Variants in THADA observed in about 807,000 individuals in gnomAD.
THADA encodes the protein tRNA (32-2'-O)-methyltransferase regulator THADA.
THADA carries 213 observed loss-of-function variants against 219.8 expected under a neutral mutation model. The observed-to-expected ratio is 0.97, with a 90% CI of 0.87 to 1.09. THADA has a LOEUF of 1.09. THADA is among the 50% of genes least tolerant of loss of function. THADA has a pLI of 0.00. For synonymous variants in THADA, 1,018 were observed against 828.9 expected, an observed-to-expected ratio of 1.23 and a Z score of -3.92; for missense variants, 2,956 against 2,311.3, an observed-to-expected ratio of 1.28 and a Z score of -5.72.
intron 22 of THADA, among the ~76,000 whole-genome samples, chr2:43,515,253 TA>T (rs1691464023): frequency 4.0e-5 from 1 of 24,792 alleles, no homozygotes; most frequent in Non-Finnish European, 7.3e-5. Context: ...ATATATTATA[TA>T]TAATATATAA....
rs59602652 is a variant in THADA at position 43,566,876 on chromosome 2, T to C, written c.2188-55A>G. On this transcript the variant is annotated intron_variant, in intron 14 of 37. Transcript: ENST00000405975. ...TATAATTACGTCACAATAGGTTATATTCAGAGTATTAAACACCCTTTAAGA... is the reference window on the plus strand; with the variant it reads ...TATAATTACGTCACAATAGGTTATACTCAGAGTATTAAACACCCTTTAAGA... The C allele has an allele frequency of 3.4e-3, 4,332 of 1,290,774 alleles. 77 individuals carry two copies. In the African/African-American group the frequency reaches 0.047, roughly 14 times the overall value. The allele number at this position is 1,290,774 out of a possible 1,614,324, so 80.0% of individuals were successfully genotyped here. A position where few individuals can be genotyped will look rare whatever the true frequency, so the allele number is the denominator to read the frequency against.
intron 35 of THADA, 39 bp downstream of exon 35, chr2:43,286,869 T>G (rs756334610): frequency 2.5e-6 from 4 of 1,583,468 alleles, no homozygotes; most frequent in Admixed American, 1.7e-5. Context: ...ATATTTTAAG[T>G]GAGTTTGGTA....
At chr2:43,467,855 C>T (rs1684443566) in intron 26 of THADA, among the ~76,000 whole-genome samples, 1 of 152,186 alleles carries the variant, frequency 6.6e-6, no homozygotes, top group East Asian at 1.9e-4. Flanking sequence ...ATAATATAGC[C>T]AGTGCTCTCA....
At position 43,286,916 on chromosome 2, in the gene THADA, G is replaced by C; in HGVS notation, c.5156C>G (p.Pro1719Arg). The C allele has an allele frequency of 1.2e-6, 2 of 1,612,122 alleles. No homozygotes were observed. Among genetic ancestry groups the C allele is most frequent in the East Asian group, 4.5e-5 (2 of 44,816 alleles). The change falls in exon 35 of 38, where the codon CCT becomes CGT. Residue 1719 changes from proline (P) to arginine (R), a missense_variant. Physicochemically the swap from Pro to Arg is moderately radical, Grantham distance 103. Coordinates refer to ENST00000405975, the MANE Select transcript of THADA (RefSeq NM_022065.5). ...CGTCTCGGCGCACTTACCAAGAATA[G>C]GATGGGGGTTGGTGAGGAAAAGTGG... ...TTPLFLTNPHPILELQDTLAL... is the reference protein window; with the variant it reads ...TTPLFLTNPHRILELQDTLAL...
chr2:43,467,176 C>T (rs1004702310), intron 26 of THADA, among the ~76,000 whole-genome samples: 7 of 82,756 alleles, frequency 8.5e-5, no homozygotes, highest in Admixed American at 1.6e-4. Context: ...AGCGAGACTC[C>T]GTCTCAAAAA....
chr2:43,453,456 A>G (rs1200116064), intron 26 of THADA, among the ~76,000 whole-genome samples: 4 of 152,172 alleles, frequency 2.6e-5, no homozygotes, highest in Non-Finnish European at 5.9e-5. Flanking sequence ...TTTTTTTGAG[A>G]GCTAGAAAAC....
At chr2:43,389,110 CAGA>C (rs1256357796) in intron 29 of THADA, among the ~76,000 whole-genome samples, 17 of 152,226 alleles carry the variant, frequency 1.1e-4, no homozygotes, top group Admixed American at 1.0e-3. Context: ...TTCCCATTTA[CAGA>C]AGAAGTGGAG....
Position 43,358,996 on chromosome 2 carries a change from G to A in THADA, c.4228-14759C>T, listed in dbSNP as rs565781907. The stretch of plus-strand genomic sequence containing the variant: ...TAAGCCCCTAGGAATGGAGATTTGG[G>A]TGGTTGCCCTTCCCCCTCCATCTAG... On this transcript the variant is annotated intron_variant, in intron 29 of 37. Coordinates refer to ENST00000405975, the MANE Select transcript of THADA (RefSeq NM_022065.5). Among the ~76,000 whole-genome samples the A allele has an allele frequency of 1.2e-4, 18 of 152,260 alleles. No individual in the cohort carries two copies. The South Asian group carries it at 3.7e-3, about 32-fold the overall frequency.
intron 30 of THADA, among the ~76,000 whole-genome samples, chr2:43,330,546 C>A (rs1326255491): frequency 1.3e-5 from 2 of 152,206 alleles, no homozygotes; most frequent in African/African-American, 4.8e-5. Context: ...GGCCAGCGCA[C>A]TGCCGTAAAG....
intron 21 of THADA, among the ~76,000 whole-genome samples, chr2:43,538,942 T>C (rs1218544391): frequency 1.3e-5 from 2 of 152,324 alleles, no homozygotes; most frequent in East Asian, 1.9e-4. Flanking sequence ...GCCACCGGTT[T>C]AAACAAGGAG....
At chr2:43,559,013 G>A (rs904920407) in intron 16 of THADA, among the ~76,000 whole-genome samples, 1 of 152,094 alleles carries the variant, frequency 6.6e-6, no homozygotes, top group Admixed American at 6.5e-5. Flanking sequence ...GTAAGGGCCA[G>A]GTCTTTCACA....
intron 29 of THADA, among the ~76,000 whole-genome samples, chr2:43,392,331 T>A (rs894083399): frequency 6.6e-6 from 1 of 152,208 alleles, no homozygotes. Flanking sequence ...TATATATACA[T>A]ATCTTTTCTA....
chr2:43,316,862 A>C (rs1464845556), intron 31 of THADA, among the ~76,000 whole-genome samples: 1 of 152,164 alleles, frequency 6.6e-6, no homozygotes, highest in Non-Finnish European at 1.5e-5. Context: ...GGGACACGGA[A>C]GTTTTGGTAA....
intron 29 of THADA, among the ~76,000 whole-genome samples, chr2:43,384,816 AAAAT>A (rs1231285506): frequency 6.6e-6 from 1 of 152,102 alleles, no homozygotes; most frequent in East Asian, 1.9e-4. Context: ...AAATTAAATT[AAAAT>A]AAATAACTAA....
chr2:43,415,221 C>T (rs551560068), intron 28 of THADA, among the ~76,000 whole-genome samples: 53 of 152,260 alleles, frequency 3.5e-4, no homozygotes, highest in Non-Finnish European at 5.4e-4. Flanking sequence ...AAACCATATA[C>T]TAAAAGAATG....
At chr2:43,446,945 G>A (rs776650679) in intron 26 of THADA, among the ~76,000 whole-genome samples, 1 of 152,148 alleles carries the variant, frequency 6.6e-6, no homozygotes, top group Non-Finnish European at 1.5e-5. Flanking sequence ...CCACCTGCTG[G>A]TGGCTGTCAG....
At chr2:43,439,215 T>C (rs1008265603) in intron 26 of THADA, among the ~76,000 whole-genome samples, 2 of 152,226 alleles carry the variant, frequency 1.3e-5, no homozygotes, top group African/African-American at 2.4e-5. Context: ...AAACAATTCA[T>C]AAGTTTTAAA....
intron 31 of THADA, among the ~76,000 whole-genome samples, chr2:43,297,755 C>G (rs1675690476): frequency 7.9e-6 from 1 of 126,332 alleles, no homozygotes; most frequent in African/African-American, 3.3e-5. Context: ...GGCCAGCCGC[C>G]CCGTCCGGGA....
rs1558464681 is a variant in THADA at position 43,248,206 on chromosome 2, GA to G, written c.5297-15325del. 1.1e-3 allele frequency among the ~76,000 whole-genome samples: 150 copies of G among 133,598 alleles called. 2 individuals carry two copies. The highest frequency in any genetic ancestry group is 2.7e-3 in the East Asian group (12 of 4,508). 87.6% of individuals were successfully genotyped at this position (133,598 alleles called of 152,430 possible). ...AGAGAGAGAGAGAGAGAGAGAGAGAGAGAGAGAGACAGAGAGAGAGAGAGAC... is the reference window on the plus strand; with the variant it reads ...AGAGAGAGAGAGAGAGAGAGAGAGAGGAGAGAGACAGAGAGAGAGAGAGAC... On this transcript the variant is annotated intron_variant, in intron 36 of 37. Coordinates refer to ENST00000405975, the MANE Select transcript of THADA (RefSeq NM_022065.5).
Sources: gnomAD v4.1 joint callset for allele counts (sites outside exome capture counted in the v4.1 genomes callset) on GRCh38, gnomAD v4.1.1 for gene constraint, MANE v1.5 for transcripts, NCBI Gene and HGNC (gene_info 2026-07-23, HGNC 2026-07-21) for gene names.